MRTFA: variants seen among roughly 807,000 people sequenced by gnomAD.
The protein encoded by MRTFA is myocardin-related transcription factor A.
Under a neutral mutation model 83.5 loss-of-function variants are expected in MRTFA, and 20 were observed. The ratio of observed to expected loss-of-function variants is 0.24; its 90% CI spans 0.17 to 0.35. The LOEUF (loss-of-function observed/expected upper bound fraction) is 0.35, where lower values mean the gene tolerates loss of function less well. Ranked by LOEUF, MRTFA falls within the 10% of genes least tolerant of loss-of-function variation. The pLI, the probability that MRTFA is intolerant of heterozygous loss-of-function variation, is 1.00. For synonymous variants in MRTFA, 659 were observed against 541.2 expected (o/e 1.22, Z -3.02); for missense variants, 1,200 against 1,224.7 (o/e 0.98, Z 0.30).
intron 2 of MRTFA, chr22:40,587,213 C>A: frequency 2.1e-6 from 1 of 468,572 alleles, no homozygotes; most frequent in Non-Finnish European, 4.3e-6. Context: ...CAGCTTTACA[C>A]CAAGTGCCAC....
At chr22:40,604,403 T>C (rs1368219271) in intron 1 of MRTFA, among the ~76,000 whole-genome samples, 1 of 151,712 alleles carries the variant, frequency 6.6e-6, no homozygotes, top group Non-Finnish European at 1.5e-5. Flanking sequence ...GTGCTGACAT[T>C]ACAGGCGTGA....
intron 14 of MRTFA, among the ~76,000 whole-genome samples, chr22:40,415,873 G>A (rs905055457): frequency 1.3e-5 from 2 of 151,972 alleles, no homozygotes; most frequent in Non-Finnish European, 2.9e-5. Flanking sequence ...TGGATTCCAG[G>A]ACACCGCACC....
intron 2 of MRTFA, among the ~76,000 whole-genome samples, chr22:40,574,026 AG>A (rs1365162087): frequency 6.6e-6 from 1 of 152,122 alleles, no homozygotes; most frequent in Non-Finnish European, 1.5e-5. Flanking sequence ...CTGGGATTAC[AG>A]GGATAAGCCA....
At position 40,423,595 on chromosome 22, in the gene MRTFA, G is replaced by C; in HGVS notation, c.868C>G (p.Pro290Ala). ...ATAGTGGTTCCATTGGTGAGGCTGGGAGGCAGCAGAGGTGGGGGAGGCAGA... is the reference window on the plus strand; with the variant it reads ...ATAGTGGTTCCATTGGTGAGGCTGGCAGGCAGCAGAGGTGGGGGAGGCAGA... The change falls in exon 9 of 15, where the codon CCC becomes GCC. Residue 290 changes from proline (P) to alanine (A), a missense_variant. Pro to Ala is a conservative substitution (Grantham distance 27). Transcript: ENST00000355630. 2 of 1,596,468 alleles carry C rather than the reference G, an allele frequency of 1.3e-6. No individual in the cohort carries two copies. The highest frequency in any genetic ancestry group is 1.7e-6 in the Non-Finnish European group (2 of 1,170,466).
intron 3 of MRTFA, among the ~76,000 whole-genome samples, chr22:40,516,620 C>T (rs922273921): frequency 5.9e-5 from 9 of 151,930 alleles, no homozygotes; most frequent in African/African-American, 1.5e-4. Context: ...TTAGCTACAA[C>T]GGAAAAAATG....
At chr22:40,544,956 T>TAAATA (rs1569321376) in intron 3 of MRTFA, among the ~76,000 whole-genome samples, 1 of 149,262 alleles carries the variant, frequency 6.7e-6, no homozygotes, top group African/African-American at 2.5e-5. Flanking sequence ...ATAAATAAAA[T>TAAATA]AAATATATAT....
intron 2 of MRTFA, among the ~76,000 whole-genome samples, chr22:40,575,890 A>C (rs2147351881): frequency 6.6e-6 from 1 of 152,346 alleles, no homozygotes; most frequent in Non-Finnish European, 1.5e-5. Context: ...GACATACTAC[A>C]TGAGAAGCAC....
At chr22:40,469,425 A>C (rs182147195) in intron 3 of MRTFA, among the ~76,000 whole-genome samples, 1 of 152,190 alleles carries the variant, frequency 6.6e-6, no homozygotes, top group African/African-American at 2.4e-5. Flanking sequence ...GCCTTCTGTC[A>C]TAAGTAAAAG....
At chr22:40,433,719 T>G (rs1381800315) in intron 5 of MRTFA, 1 of 152,246 alleles carries the variant, frequency 6.6e-6, no homozygotes, top group African/African-American at 2.4e-5. Context: ...GATGCAAAAG[T>G]AGCAGCTTTT....
intron 4 of MRTFA, among the ~76,000 whole-genome samples, chr22:40,440,714 T>C (rs2053259773): frequency 6.6e-6 from 1 of 152,076 alleles, no homozygotes; most frequent in Non-Finnish European, 1.5e-5. Flanking sequence ...AAAGCCACCA[T>C]GTGGAGGGTA....
At chr22:40,607,327 AC>A (rs1349889085) in intron 1 of MRTFA, among the ~76,000 whole-genome samples, 2 of 152,126 alleles carry the variant, frequency 1.3e-5, no homozygotes, top group South Asian at 4.2e-4. Context: ...ACACGGTGAA[AC>A]CCCATCTCTA....
chr22:40,422,640 G>A (rs917466081), intron 9 of MRTFA, among the ~76,000 whole-genome samples: 1 of 152,262 alleles, frequency 6.6e-6, no homozygotes, highest in Non-Finnish European at 1.5e-5. Context: ...GAAGCAAGAG[G>A]CAGCAGAGAT....
chr22:40,618,194 C>A lies in MRTFA; in HGVS notation c.-84+18284G>T, dbSNP rs185421316. Among the ~76,000 whole-genome samples, 49 of 151,556 alleles carry A rather than the reference C, an allele frequency of 3.2e-4. No homozygotes were observed. The East Asian group carries it at 8.3e-3, about 26-fold the overall frequency. ...GGTTCACGCCATTCTCCTGCCTCAG[C>A]CTCCCGAGTAGCTGGGACTACAGGT... On this transcript the variant is annotated intron_variant, in intron 1 of 14. Coordinates refer to ENST00000355630, the MANE Select transcript of MRTFA (RefSeq NM_020831.6).
intron 3 of MRTFA, among the ~76,000 whole-genome samples, chr22:40,497,340 T>C (rs1032870988): frequency 1.3e-5 from 2 of 152,082 alleles, no homozygotes; most frequent in African/African-American, 2.4e-5. Context: ...AAAATAACAA[T>C]TACTTGAGGA....
intron 1 of MRTFA, among the ~76,000 whole-genome samples, chr22:40,631,722 T>C (rs2056644242): frequency 6.6e-6 from 1 of 152,242 alleles, no homozygotes. Context: ...GTGAACCTAA[T>C]TTAGTGTCTA....
chr22:40,412,535 A>G (rs1456282994), intron 14 of MRTFA: 1 of 152,264 alleles, frequency 6.6e-6, no homozygotes, highest in Admixed American at 6.5e-5. Flanking sequence ...ACAGGTGTTG[A>G]TAAGTGCATT....
chr22:40,570,372 G>A (rs1009555320), intron 2 of MRTFA, among the ~76,000 whole-genome samples: 12 of 151,610 alleles, frequency 7.9e-5, no homozygotes, highest in African/African-American at 2.4e-4. Context: ...TCAGGAGATC[G>A]AGACCATCCT....
At chr22:40,508,227 G>A (rs1013413991) in intron 3 of MRTFA, among the ~76,000 whole-genome samples, 5 of 151,864 alleles carry the variant, frequency 3.3e-5, no homozygotes, top group South Asian at 4.2e-4. Context: ...ATTTATTTAC[G>A]TGCTGGGCAC....
chr22:40,588,965 AGAGT>A (rs1648286275), intron 2 of MRTFA, among the ~76,000 whole-genome samples: 1 of 152,182 alleles, frequency 6.6e-6, no homozygotes, highest in Admixed American at 6.5e-5. Flanking sequence ...CTGGGGCAAT[AGAGT>A]AAGACCTTGT....
Sources: allele counts gnomAD v4.1 joint callset (sites outside exome capture counted in the v4.1 genomes callset), GRCh38; gene constraint gnomAD v4.1.1; transcripts MANE v1.5; gene names NCBI Gene and HGNC (gene_info 2026-07-23, HGNC 2026-07-21).